Variants in GRM8 observed in about 807,000 individuals in gnomAD.
The protein encoded by GRM8 is glutamate metabotropic receptor 8.
GRM8 carries 47 observed loss-of-function variants against 87.2 expected under a neutral mutation model. The ratio of observed to expected loss-of-function variants is 0.54; its 90% CI spans 0.43 to 0.69. GRM8 has a LOEUF of 0.69. GRM8 is among the 30% of genes least tolerant of loss of function. GRM8 has a pLI of 0.00. For missense variants in GRM8, 1,019 were observed against 1,139.2 expected (o/e 0.89, Z 1.52); for synonymous variants, 396 against 404.5 (o/e 0.98, Z 0.25).
At chr7:127,146,096 C>G (rs1458581361) in intron 2 of GRM8, among the ~76,000 whole-genome samples, 1 of 151,836 alleles carries the variant, frequency 6.6e-6, no homozygotes, top group Non-Finnish European at 1.5e-5. Flanking sequence ...GACAGCATGT[C>G]CAGGAGACAA....
At chr7:126,532,345 G>T (rs186560081) in intron 9 of GRM8, among the ~76,000 whole-genome samples, 45 of 152,292 alleles carry the variant, frequency 3.0e-4, no homozygotes, top group Admixed American at 5.9e-4. Flanking sequence ...CAAGAATGGG[G>T]ACTGAGAAGA....
At position 127,106,516 on chromosome 7, in the gene GRM8, G is replaced by C. The variant is rs779203356; in HGVS notation, c.707C>G (p.Thr236Ser). ...CTTACCAATCTCCCTCGAGATCTGGGTGAAGGCCTCCACACCGCTCTCACC... is the reference window on the plus strand; with the variant it reads ...CTTACCAATCTCCCTCGAGATCTGGCTGAAGGCCTCCACACCGCTCTCACC... ...NYGESGVEAF[T>S]QISREIGGVC... is the part of the protein sequence containing the mutation. The change falls in exon 3 of 11, where the codon ACC (threonine) becomes AGC (serine). Residue 236 changes from threonine (T) to serine (S), a missense_variant. Thr to Ser is a moderately conservative substitution (Grantham distance 58, BLOSUM62 1). Coordinates refer to ENST00000339582, the MANE Select transcript of GRM8 (RefSeq NM_000845.3). 1 of 1,613,408 alleles carries C rather than the reference G, an allele frequency of 6.2e-7. No homozygotes were observed. Among genetic ancestry groups the C allele is most frequent in the African/African-American group, 1.3e-5 (1 of 74,892 alleles).
chr7:126,507,025 A>G (rs950725790), intron 9 of GRM8, among the ~76,000 whole-genome samples: 2 of 152,198 alleles, frequency 1.3e-5, no homozygotes, highest in East Asian at 2.0e-4. Flanking sequence ...GAGGCTCTCA[A>G]TGAAGCCTTC....
intron 3 of GRM8, among the ~76,000 whole-genome samples, chr7:127,030,298 GGTTC>G (rs1238343218): frequency 2.4e-5 from 2 of 81,716 alleles, no homozygotes; most frequent in African/African-American, 1.4e-4. Context: ...CTCCCCAGAA[GGTTC>G]ACCCCTCCCA....
chr7:126,959,559 T>A (rs1011626728), intron 3 of GRM8, among the ~76,000 whole-genome samples: 28 of 152,322 alleles, frequency 1.8e-4, no homozygotes, highest in African/African-American at 6.5e-4. Context: ...ATGTATACTT[T>A]CTGGGGTTGA....
At chr7:126,728,238 G>C (rs10256873) in intron 7 of GRM8, among the ~76,000 whole-genome samples, 6 of 151,924 alleles carry the variant, frequency 3.9e-5, no homozygotes, top group African/African-American at 1.5e-4. Context: ...GGAGAAACAC[G>C]TGAACTAAGG....
chr7:127,249,126 C>G (rs980751017), intron 1 of GRM8, among the ~76,000 whole-genome samples: 1 of 152,296 alleles, frequency 6.6e-6, no homozygotes, highest in Non-Finnish European at 1.5e-5. Flanking sequence ...TTAGGCATAA[C>G]CCTGCCTGGA....
intron 2 of GRM8, among the ~76,000 whole-genome samples, chr7:127,118,954 A>T (rs1408451660): frequency 6.6e-6 from 1 of 152,234 alleles, no homozygotes. Flanking sequence ...ATCTAAGATC[A>T]GCTAAATATT....
At chr7:126,693,178 G>C (rs569802614) in intron 7 of GRM8, among the ~76,000 whole-genome samples, 9 of 152,162 alleles carry the variant, frequency 5.9e-5, no homozygotes, top group Admixed American at 3.9e-4. Flanking sequence ...TGTCAACATG[G>C]GTACAAAGAA....
intron 7 of GRM8, among the ~76,000 whole-genome samples, chr7:126,612,343 C>T (rs780979910): frequency 2.6e-5 from 4 of 152,150 alleles, no homozygotes; most frequent in Non-Finnish European, 5.9e-5. Context: ...ATTCCGGTCC[C>T]TAAATTCATT....
chr7:126,869,321 C>T (rs1406279288), intron 6 of GRM8: 1 of 152,154 alleles, frequency 6.6e-6, no homozygotes, highest in African/African-American at 2.4e-5. Context: ...AAATCAATTT[C>T]TTTTAAGACT....
intron 7 of GRM8, among the ~76,000 whole-genome samples, chr7:126,753,491 C>T (rs1816670144): frequency 6.6e-6 from 1 of 151,586 alleles, no homozygotes; most frequent in Non-Finnish European, 1.5e-5. Flanking sequence ...CATACACACA[C>T]ATATTAAAAC....
intron 6 of GRM8, among the ~76,000 whole-genome samples, chr7:126,819,269 CACACAT>C (rs1435379829): frequency 7.7e-6 from 1 of 129,838 alleles, no homozygotes; most frequent in Non-Finnish European, 1.6e-5. Flanking sequence ...TTCAGACAGA[CACACAT>C]ACACACACAC....
In GRM8 at chr7:126,487,262, C is replaced by T. The variant is rs138058728; in HGVS notation, c.2431-40890G>A. On this transcript the variant is annotated intron_variant, in intron 9 of 10. Coordinates refer to ENST00000339582, the MANE Select transcript of GRM8 (RefSeq NM_000845.3). ...TGGTAAAGGTTTATAATGAAAACCC[C>T]GCTTCAGACACGCAATATGGTTGAA... Among the ~76,000 whole-genome samples the T allele has an allele frequency of 4.4e-4, 67 of 151,716 alleles. 1 individual carries two copies. The highest frequency in any genetic ancestry group is 4.1e-3 in the East Asian group (21 of 5,120).
chr7:127,140,532 C>T (rs547740218), intron 2 of GRM8, among the ~76,000 whole-genome samples: 38 of 152,188 alleles, frequency 2.5e-4, no homozygotes, highest in Non-Finnish European at 4.0e-4. Flanking sequence ...TGTCTAACTT[C>T]AAGTGCTCTG....
At chr7:126,773,933 T>G (rs1819140351) in intron 6 of GRM8, among the ~76,000 whole-genome samples, 1 of 152,184 alleles carries the variant, frequency 6.6e-6, no homozygotes, top group South Asian at 2.1e-4. Context: ...AATTGTACTA[T>G]TCAAATTATT....
chr7:126,903,552 T>C (rs1802312868), intron 5 of GRM8, among the ~76,000 whole-genome samples: 1 of 118,508 alleles, frequency 8.4e-6, no homozygotes, highest in Non-Finnish European at 1.7e-5. Flanking sequence ...ATGGGTCCTC[T>C]TTCCTAAATA....
intron 2 of GRM8, among the ~76,000 whole-genome samples, chr7:127,240,485 C>T (rs1369365320): frequency 1.3e-5 from 2 of 151,500 alleles, no homozygotes; most frequent in Non-Finnish European, 2.9e-5. Flanking sequence ...TTATCTCCTC[C>T]ACCACACTCC....
intron 7 of GRM8, among the ~76,000 whole-genome samples, chr7:126,709,559 T>C (rs1810892509): frequency 6.6e-6 from 1 of 152,164 alleles, no homozygotes; most frequent in African/African-American, 2.4e-5. Context: ...AAATGAATCC[T>C]TGTACACTGT....
Sources: gnomAD v4.1 joint callset for allele counts (sites outside exome capture counted in the v4.1 genomes callset) on GRCh38, gnomAD v4.1.1 for gene constraint, MANE v1.5 for transcripts, NCBI Gene and HGNC (gene_info 2026-07-23, HGNC 2026-07-21) for gene names.